SAMD12: variants seen among roughly 807,000 people sequenced by gnomAD.
SAMD12 encodes sterile alpha motif domain containing 12.
SAMD12 carries 9 observed loss-of-function variants against 15.0 expected under a neutral mutation model. That is an observed-to-expected ratio of 0.60 (90% confidence interval 0.36 to 1.05). SAMD12 has a LOEUF of 1.05. Among genes scored for constraint, SAMD12 ranks in the 50% least tolerant of loss-of-function variants. The probability of loss-of-function intolerance (pLI) is 0.01; values close to 1 mark genes in which losing one functional copy is unlikely to be tolerated. For synonymous variants in SAMD12, 86 were observed against 90.1 expected (o/e 0.96, Z 0.25); for missense variants, 230 against 234.2 (o/e 0.98, Z 0.12).
At chr8:118,621,746 T>C in intron 1 of SAMD12, 58 bp downstream of exon 1, 1 of 1,596,364 alleles carries the variant, frequency 6.3e-7, no homozygotes, top group South Asian at 1.1e-5. Context: ...ATCGGGGATG[T>C]GTGCCTTGGG....
intron 2 of SAMD12, among the ~76,000 whole-genome samples, chr8:118,559,571 T>G (rs759389402): frequency 2.0e-5 from 3 of 152,248 alleles, no homozygotes; most frequent in Non-Finnish European, 4.4e-5. Context: ...GTGGGAGGGC[T>G]TTTAGCTTAT....
At chr8:118,314,482 A>G (rs36076750) in intron 4 of SAMD12, among the ~76,000 whole-genome samples, 9,903 of 152,222 alleles carry the variant, frequency 0.065, 460 homozygotes, top group Non-Finnish European at 0.1. Context: ...TGTAACAAAG[A>G]TACAGAGCTG....
At chr8:118,430,847 T>C (rs1822380942) in intron 3 of SAMD12, among the ~76,000 whole-genome samples, 1 of 152,234 alleles carries the variant, frequency 6.6e-6, no homozygotes, top group Non-Finnish European at 1.5e-5. Context: ...GCCCCTAATC[T>C]GACAATCTCT....
At chr8:118,279,076 C>G (rs1813542897) in intron 4 of SAMD12, among the ~76,000 whole-genome samples, 1 of 152,106 alleles carries the variant, frequency 6.6e-6, no homozygotes, top group Admixed American at 6.6e-5. Flanking sequence ...TTACACAATT[C>G]AGTGTAATTT....
intron 2 of SAMD12, among the ~76,000 whole-genome samples, chr8:118,446,153 G>C (rs548060102): frequency 5.3e-5 from 8 of 150,818 alleles, no homozygotes; most frequent in African/African-American, 1.7e-4. Context: ...GTGCGACAAA[G>C]TCCTGGGACC....
At chr8:118,465,291 G>A (rs1319572397) in intron 2 of SAMD12, among the ~76,000 whole-genome samples, 1 of 152,174 alleles carries the variant, frequency 6.6e-6, no homozygotes, top group African/African-American at 2.4e-5. Flanking sequence ...CATAAAACTT[G>A]ATGTCTTCCT....
chr8:118,560,867 C>A (rs148798175), intron 2 of SAMD12, among the ~76,000 whole-genome samples: 3 of 152,118 alleles, frequency 2.0e-5, no homozygotes, highest in African/African-American at 7.2e-5. Flanking sequence ...AAAAATAATA[C>A]AAACTTATTG....
At chr8:118,620,926 G>T (rs572271948) in intron 1 of SAMD12, 20 of 152,294 alleles carry the variant, frequency 1.3e-4, no homozygotes, top group Non-Finnish European at 2.6e-4. Flanking sequence ...GGCACAGCTT[G>T]ACCTCTAATG....
At chr8:118,337,100 T>A (rs531078413) in intron 4 of SAMD12, among the ~76,000 whole-genome samples, 2 of 151,188 alleles carry the variant, frequency 1.3e-5, no homozygotes, top group South Asian at 4.2e-4. Context: ...ACATGGCACA[T>A]GCATACATAC....
intron 2 of SAMD12, among the ~76,000 whole-genome samples, chr8:118,511,086 TC>T (rs1825067827): frequency 6.6e-6 from 1 of 152,208 alleles, no homozygotes; most frequent in Admixed American, 6.5e-5. Flanking sequence ...TGACAACTCA[TC>T]TAGAACGGTA....
chr8:118,568,685 A>G (rs1826919603), intron 2 of SAMD12, among the ~76,000 whole-genome samples: 1 of 152,234 alleles, frequency 6.6e-6, no homozygotes, highest in Admixed American at 6.5e-5. Flanking sequence ...CATCATGACC[A>G]TCAGCAAGAT....
At chr8:118,277,803 G>C (rs552989266) in intron 4 of SAMD12, among the ~76,000 whole-genome samples, 3 of 152,102 alleles carry the variant, frequency 2.0e-5, no homozygotes, top group Admixed American at 2.0e-4. Flanking sequence ...TTATTACATT[G>C]CCCATCTAAT....
chr8:118,366,913 AT>A (rs371709810), intron 4 of SAMD12, among the ~76,000 whole-genome samples: 10 of 90,722 alleles, frequency 1.1e-4, no homozygotes, highest in South Asian at 3.8e-4. Context: ...ATAAAATAAA[AT>A]AAAAATGAAC....
intron 2 of SAMD12, among the ~76,000 whole-genome samples, chr8:118,465,176 G>GGGGAAGAGGGAAGGGAGGAGCTGACCCA (rs1240934777): frequency 1.3e-5 from 2 of 152,160 alleles, no homozygotes. Context: ...GGGTAGGGTG[G>GGGGAAGAGGGAAGGGAGGAGCTGACCCA]GGGAAGAGGG....
chr8:118,375,085 C>G (rs1253718092), downstream of SAMD12, among the ~76,000 whole-genome samples: 2 of 152,010 alleles, frequency 1.3e-5, no homozygotes, highest in African/African-American at 4.8e-5. Context: ...GCTGCAAAGA[C>G]TAAAATACTT....
chr8:118,280,193 C>T (rs1813582703), intron 4 of SAMD12, among the ~76,000 whole-genome samples: 1 of 152,178 alleles, frequency 6.6e-6, no homozygotes, highest in Non-Finnish European at 1.5e-5. Context: ...CCAAGGAATT[C>T]CAAAAGCAAA....
intron 3 of SAMD12, among the ~76,000 whole-genome samples, chr8:118,410,956 T>C (rs954120001): frequency 2.6e-5 from 4 of 152,108 alleles, no homozygotes; most frequent in African/African-American, 9.7e-5. Context: ...GGGTAAAAGA[T>C]GAGAAAAACT....
intron 2 of SAMD12, among the ~76,000 whole-genome samples, chr8:118,473,625 C>A (rs1287749235): frequency 6.6e-6 from 1 of 152,158 alleles, no homozygotes; most frequent in Admixed American, 6.5e-5. Context: ...TTTCCTCCAG[C>A]CTAATCCCTC....
chr8:118,372,422 A>ATT (rs148584581), intron 4 of SAMD12, among the ~76,000 whole-genome samples: 141 of 138,890 alleles, frequency 1.0e-3, no homozygotes, highest in African/African-American at 1.5e-3. Flanking sequence ...AAGATGCAGT[A>ATT]TTTTTTTTTT....
Sources: gnomAD v4.1 joint callset for allele counts (sites outside exome capture counted in the v4.1 genomes callset) on GRCh38, gnomAD v4.1.1 for gene constraint, MANE v1.5 for transcripts, NCBI Gene and HGNC (gene_info 2026-07-23, HGNC 2026-07-21) for gene names.